ASIC2: variants seen among roughly 807,000 people sequenced by gnomAD.
ASIC2 encodes acid-sensing ion channel 2.
In ASIC2, 25 loss-of-function variants were observed where a neutral mutation model predicts 57.3. The observed-to-expected ratio is 0.44, with a 90% CI of 0.32 to 0.61. ASIC2 has a LOEUF of 0.61. Ranked by LOEUF, ASIC2 falls within the 20% of genes least tolerant of loss-of-function variation. The pLI is 0.06. For synonymous variants in ASIC2, 319 were observed against 307.5 expected (o/e 1.04, Z -0.39); for missense variants, 641 against 738.1 (o/e 0.87, Z 1.52).
intron 1 of ASIC2, among the ~76,000 whole-genome samples, chr17:33,637,139 A>G (rs1906398402): frequency 6.6e-6 from 1 of 152,034 alleles, no homozygotes; most frequent in Non-Finnish European, 1.5e-5. Context: ...CTAAGCTCAG[A>G]GGCTAAATGA....
At chr17:34,147,245 C>A (rs1912445554) in intron 1 of ASIC2, among the ~76,000 whole-genome samples, 1 of 152,142 alleles carries the variant, frequency 6.6e-6, no homozygotes, top group African/African-American at 2.4e-5. Flanking sequence ...TACAGATAAG[C>A]AAACTGAGGC....
chr17:33,090,615 G>A (rs953197046), intron 2 of ASIC2, among the ~76,000 whole-genome samples: 1 of 152,118 alleles, frequency 6.6e-6, no homozygotes, highest in Non-Finnish European at 1.5e-5. Flanking sequence ...GAGAGGGGGA[G>A]GACATGTCAG....
At chr17:33,466,922 A>G (rs1017426671) in intron 1 of ASIC2, among the ~76,000 whole-genome samples, 4 of 152,340 alleles carry the variant, frequency 2.6e-5, no homozygotes, top group African/African-American at 9.6e-5. Flanking sequence ...ACCATTCAAG[A>G]CATAGGCATG....
intron 1 of ASIC2, among the ~76,000 whole-genome samples, chr17:33,424,714 C>T (rs1911158398): frequency 6.6e-6 from 1 of 152,028 alleles, no homozygotes; most frequent in Admixed American, 6.6e-5. Context: ...TTAGTCCTTC[C>T]TTCCTCTCTT....
intron 1 of ASIC2, among the ~76,000 whole-genome samples, chr17:33,457,537 T>G (rs1912491379): frequency 8.6e-6 from 1 of 116,892 alleles, no homozygotes; most frequent in Non-Finnish European, 1.8e-5. Context: ...AAGAACATAC[T>G]AAAGGCCAGG....
At chr17:33,205,016 G>GAA (rs1463160208) in intron 1 of ASIC2, among the ~76,000 whole-genome samples, 1 of 152,230 alleles carries the variant, frequency 6.6e-6, no homozygotes, top group Admixed American at 6.5e-5. Context: ...GTTTACTTAA[G>GAA]AAAGTTTGAC....
At chr17:33,060,924 C>A (rs1427862190) in intron 3 of ASIC2, among the ~76,000 whole-genome samples, 1 of 152,052 alleles carries the variant, frequency 6.6e-6, no homozygotes, top group African/African-American at 2.4e-5. Context: ...TTTGAAGCAA[C>A]TGTGAATGGG....
At chr17:33,202,214 G>A (rs78263321) in intron 1 of ASIC2, among the ~76,000 whole-genome samples, 1,821 of 152,198 alleles carry the variant, frequency 0.012, 17 homozygotes, top group Admixed American at 0.019. Flanking sequence ...CCAACGATGC[G>A]GATGGGCTCC....
At chr17:33,548,912 CCTGA>C (rs1164322861) in intron 1 of ASIC2, among the ~76,000 whole-genome samples, 6 of 152,060 alleles carry the variant, frequency 3.9e-5, no homozygotes, top group Non-Finnish European at 8.8e-5. Flanking sequence ...AGAGGGCTTC[CCTGA>C]CTATCTAATC....
intron 1 of ASIC2, among the ~76,000 whole-genome samples, chr17:33,707,844 C>T (rs1405995771): frequency 6.6e-6 from 1 of 152,128 alleles, no homozygotes; most frequent in Non-Finnish European, 1.5e-5. Context: ...AGGCATGGAG[C>T]CATTTTTTTA....
intron 3 of ASIC2, among the ~76,000 whole-genome samples, chr17:33,073,065 T>C (rs1242832070): frequency 6.6e-6 from 1 of 152,220 alleles, no homozygotes; most frequent in East Asian, 1.9e-4. Flanking sequence ...TGACTCACCC[T>C]CATTTCTACC....
chr17:33,727,045 G>A (rs1217463424), intron 1 of ASIC2, among the ~76,000 whole-genome samples: 1 of 152,090 alleles, frequency 6.6e-6, no homozygotes, highest in African/African-American at 2.4e-5. Context: ...AGAAGGTTTT[G>A]GTCATTACAC....
In ASIC2 at chr17:33,530,965, T is replaced by G. The variant is rs1915032898; in HGVS notation, c.556-418898A>C. Among the ~76,000 whole-genome samples the G allele has an allele frequency of 2.0e-5, 3 of 152,140 alleles. No homozygotes were observed. In the South Asian group the frequency reaches 6.3e-4, roughly 32 times the overall value. On this transcript the variant is annotated intron_variant, in intron 1 of 9. Coordinates refer to the ASIC2 transcript ENST00000359872. The stretch of plus-strand genomic sequence containing the variant: ...GCTGAGTTAGCTACTATCTTCCCAT[T>G]TTACCAGTAGATAAGCAGAGCCTTA...
intron 1 of ASIC2, among the ~76,000 whole-genome samples, chr17:33,239,703 T>G (rs1311290162): frequency 6.6e-6 from 1 of 152,168 alleles, no homozygotes; most frequent in Non-Finnish European, 1.5e-5. Flanking sequence ...GATTACAAAT[T>G]TAGAAGAAGG....
intron 1 of ASIC2, among the ~76,000 whole-genome samples, chr17:33,123,153 G>C (rs940179874): frequency 3.9e-5 from 6 of 152,116 alleles, no homozygotes; most frequent in African/African-American, 1.4e-4. Context: ...TATAGCTAAA[G>C]GAATTAAAAT....
chr17:33,799,343 C>CCTTTCT (rs1567718737), intron 1 of ASIC2, among the ~76,000 whole-genome samples: 1 of 144,392 alleles, frequency 6.9e-6, no homozygotes, highest in Non-Finnish European at 1.5e-5. Context: ...CTCTCTGTTT[C>CCTTTCT]CTCTCTTTCT....
At chr17:33,476,374 T>C (rs7225258) in intron 1 of ASIC2, among the ~76,000 whole-genome samples, 3,587 of 152,212 alleles carry the variant, frequency 0.024, 138 homozygotes, top group African/African-American at 0.081. Flanking sequence ...TATGACTGTA[T>C]CACAACTTAT....
At chr17:33,514,288 G>T (rs547098716) in intron 1 of ASIC2, among the ~76,000 whole-genome samples, 2 of 152,182 alleles carry the variant, frequency 1.3e-5, no homozygotes, top group South Asian at 4.2e-4. Context: ...ACACAGCAAG[G>T]CCCCAATGAA....
chr17:33,099,320 T>G (rs2092200667), intron 2 of ASIC2, among the ~76,000 whole-genome samples: 1 of 152,170 alleles, frequency 6.6e-6, no homozygotes, highest in Non-Finnish European at 1.5e-5. Flanking sequence ...CCCAGCCGCT[T>G]ACCGCATTTT....
Sources: allele counts gnomAD v4.1 joint callset (sites outside exome capture counted in the v4.1 genomes callset), GRCh38; gene constraint gnomAD v4.1.1; transcripts MANE v1.5; gene names NCBI Gene and HGNC (gene_info 2026-07-23, HGNC 2026-07-21).